Variants in VBP1 observed in about 807,000 individuals in gnomAD.
The protein encoded by VBP1 is prefoldin subunit 3.
In VBP1, 4 loss-of-function variants were observed where a neutral mutation model predicts 15.5. The observed-to-expected ratio is 0.26, with a 90% CI of 0.13 to 0.59. The LOEUF (loss-of-function observed/expected upper bound fraction) is 0.59. Among genes scored for constraint, VBP1 ranks in the 20% least tolerant of loss-of-function variants. The pLI, the probability that VBP1 is intolerant of heterozygous loss-of-function variation, is 0.90. For missense variants in VBP1, 108 were observed against 139.6 expected (o/e 0.77, Z 1.14); for synonymous variants, 61 against 52.1 (o/e 1.17, Z -0.74).
upstream of VBP1, chrX:155,216,447 C>A (rs1602877627): frequency 3.3e-5 from 38 of 1,159,762 alleles, 1 homozygote; most frequent in African/African-American, 2.1e-4. Flanking sequence ...CGGCGGCCGG[C>A]GGCCCGGGAG....
Position 155,239,479 on chromosome X carries a change from T to C in VBP1, c.*637T>C, listed in dbSNP as rs1557311993. ...CTTTGCAATGCCAACATAAGGGAGA[T>C]CTTGGCCAACGTGAAATAAAATTAC... On this transcript the variant is annotated 3_prime_UTR_variant, in exon 6 of 6. Coordinates refer to ENST00000286428, the MANE Select transcript of VBP1 (RefSeq NM_003372.7). 1 of 111,946 alleles carries C rather than the reference T, an allele frequency of 8.9e-6. No homozygotes were observed. The highest frequency in any genetic ancestry group is 1.9e-5 in the Non-Finnish European group (1 of 53,228). The allele number at this position is 111,946 out of a possible 1,213,427, so 9.2% of individuals were successfully genotyped here.
chrX:155,199,993 A>C (rs1241032381), intron 1 of VBP1, among the ~76,000 whole-genome samples: 1 of 105,844 alleles, frequency 9.4e-6, no homozygotes, highest in Non-Finnish European at 2.0e-5. Flanking sequence ...AAACCAACAA[A>C]GATCAAAAGA....
exon 2 of VBP1, chrX:155,208,881 C>G (rs1557308295): frequency 8.8e-6 from 10 of 1,141,909 alleles, no homozygotes; most frequent in Non-Finnish European, 2.3e-6. Context: ...TAGGTTCCAA[C>G]TCCATTGGGA....
intron 2 of VBP1, among the ~76,000 whole-genome samples, chrX:155,210,749 C>T (rs1285224479): frequency 1.8e-5 from 2 of 112,102 alleles, no homozygotes; most frequent in African/African-American, 6.5e-5. Context: ...TGAGCAGACT[C>T]TCCAGACTCC....
chrX:155,212,487 G>T (rs2074648268), upstream of VBP1, among the ~76,000 whole-genome samples: 1 of 111,335 alleles, frequency 9.0e-6, no homozygotes, highest in Non-Finnish European at 1.9e-5. Flanking sequence ...GACAACCATG[G>T]GATGCAGAAT....
chrX:155,232,987 A>G (rs193180459), intron 4 of VBP1, among the ~76,000 whole-genome samples: 26 of 112,944 alleles, frequency 2.3e-4, no homozygotes, highest in African/African-American at 8.4e-4. Flanking sequence ...GGAATACTAT[A>G]CAGTACAGAG....
intron 2 of VBP1, among the ~76,000 whole-genome samples, chrX:155,222,971 T>A (rs781888516): frequency 9.0e-6 from 1 of 111,059 alleles, no homozygotes; most frequent in East Asian, 2.8e-4. Flanking sequence ...GCCTCCCAAG[T>A]AGTTGGAGGG....
At chrX:155,224,377 A>T (rs1269442965) in intron 2 of VBP1, among the ~76,000 whole-genome samples, 1 of 113,033 alleles carries the variant, frequency 8.8e-6, no homozygotes, top group Non-Finnish European at 1.9e-5. Context: ...AGGCTGGCAG[A>T]TCACTCGCGG....
upstream of VBP1, chrX:155,213,130 G>A (rs1482108144): frequency 8.9e-6 from 1 of 111,828 alleles, no homozygotes; most frequent in African/African-American, 3.3e-5. Context: ...TCACAGTTGA[G>A]TGCCCTCCAG....
intron 1 of VBP1, among the ~76,000 whole-genome samples, chrX:155,219,042 T>C (rs1557309337): frequency 8.9e-6 from 1 of 112,254 alleles, no homozygotes; most frequent in African/African-American, 3.2e-5. Flanking sequence ...ACTCAGCCAT[T>C]ATCTCTCAGC....
intron 1 of VBP1, among the ~76,000 whole-genome samples, chrX:155,201,786 A>C (rs2074605289): frequency 9.1e-6 from 1 of 109,725 alleles, no homozygotes; most frequent in Non-Finnish European, 1.9e-5. Flanking sequence ...AAGGAAATAA[A>C]GGCTATTCAA....
upstream of VBP1, among the ~76,000 whole-genome samples, chrX:155,215,626 A>C (rs1445604738): frequency 8.9e-6 from 1 of 112,520 alleles, no homozygotes; most frequent in Non-Finnish European, 1.9e-5. Flanking sequence ...AGAGAGACTT[A>C]CTTTCCATTG....
chrX:155,218,452 A>T (rs2074674867), intron 1 of VBP1, among the ~76,000 whole-genome samples: 1 of 112,051 alleles, frequency 8.9e-6, no homozygotes, highest in African/African-American at 3.3e-5. Flanking sequence ...GGTGTCGAAT[A>T]GGTATTAATA....
At chrX:155,200,784 A>G (rs1267061442) in intron 1 of VBP1, among the ~76,000 whole-genome samples, 3 of 110,258 alleles carry the variant, frequency 2.7e-5, no homozygotes, top group African/African-American at 9.9e-5. Context: ...GGAAATAGAG[A>G]CACAAAAAAC....
chrX:155,238,568 T>A (rs1281507964), intron 5 of VBP1, among the ~76,000 whole-genome samples: 1 of 111,927 alleles, frequency 8.9e-6, no homozygotes, highest in Non-Finnish European at 1.9e-5. Context: ...TTAATTTGAG[T>A]CCTTAGTTTT....
At chrX:155,206,596 A>C (rs1255583747) in intron 1 of VBP1, among the ~76,000 whole-genome samples, 1 of 110,596 alleles carries the variant, frequency 9.0e-6, no homozygotes, top group African/African-American at 3.3e-5. Flanking sequence ...CAGGAGAGGG[A>C]ATAATCAGTG....
chrX:155,202,695 T>C (rs1428162342), intron 1 of VBP1, among the ~76,000 whole-genome samples: 9 of 106,512 alleles, frequency 8.4e-5, no homozygotes, highest in Non-Finnish European at 1.4e-4. Context: ...GACATAGGCA[T>C]GGGCAAGGAC....
chrX:155,198,984 C>T (rs10938832), intron 1 of VBP1, among the ~76,000 whole-genome samples: 2 of 111,154 alleles, frequency 1.8e-5, no homozygotes, highest in South Asian at 3.7e-4. Context: ...GGAGCTGATG[C>T]GATCAACTGG....
chrX:155,225,800 T>C (rs141030762), intron 2 of VBP1, among the ~76,000 whole-genome samples: 3,735 of 111,805 alleles, frequency 0.033, 119 homozygotes, highest in East Asian at 0.18. Flanking sequence ...ATAAGCAAAC[T>C]TGAGCAATCT....
Sources: gnomAD v4.1 joint callset for allele counts (sites outside exome capture counted in the v4.1 genomes callset) on GRCh38, gnomAD v4.1.1 for gene constraint, MANE v1.5 for transcripts, NCBI Gene and HGNC (gene_info 2026-07-23, HGNC 2026-07-21) for gene names.